LINGO1: variants seen among roughly 807,000 people sequenced by gnomAD.
LINGO1 encodes the protein leucine rich repeat and Ig domain containing 1.
A neutral mutation model predicts 37.3 loss-of-function variants in LINGO1; 11 were observed. That is an observed-to-expected ratio of 0.29 (90% CI 0.19 to 0.49). The LOEUF is 0.49. Ranked by LOEUF, LINGO1 falls within the 20% of genes least tolerant of loss-of-function variation. LINGO1 has a pLI of 0.99. For synonymous variants in LINGO1, 387 were observed against 403.0 expected, an observed-to-expected ratio of 0.96 and a Z score of 0.48; for missense variants, 585 against 878.2, an observed-to-expected ratio of 0.67 and a Z score of 4.22.
intron 1 of LINGO1, among the ~76,000 whole-genome samples, chr15:77,762,385 G>A (rs760526000): frequency 6.6e-6 from 1 of 152,180 alleles, no homozygotes; most frequent in Non-Finnish European, 1.5e-5. Flanking sequence ...CCGTGGAGAG[G>A]CCTCCTCCAG....
At chr15:77,790,915 G>A (rs772395963), upstream of LINGO1, among the ~76,000 whole-genome samples, 5 of 152,198 alleles carry the variant, frequency 3.3e-5, no homozygotes, top group Admixed American at 1.3e-4. Context: ...AGAGGACCAC[G>A]ATCTCAGGGA....
chr15:77,749,822 A>G (rs1040960027), intron 1 of LINGO1, among the ~76,000 whole-genome samples: 1 of 152,130 alleles, frequency 6.6e-6, no homozygotes, highest in Non-Finnish European at 1.5e-5. Context: ...CTGGCTGGGC[A>G]TGTCTGGAGC....
intron 1 of LINGO1, among the ~76,000 whole-genome samples, chr15:77,693,745 G>A (rs1203065555): frequency 3.3e-5 from 5 of 152,130 alleles, no homozygotes; most frequent in Non-Finnish European, 7.4e-5. Flanking sequence ...AAACAGATTC[G>A]GGCAGTGTGT....
intron 2 of LINGO1, among the ~76,000 whole-genome samples, chr15:77,713,620 TACAC>T (rs1209453259): frequency 2.0e-5 from 3 of 151,812 alleles, no homozygotes; most frequent in Admixed American, 1.3e-4. Context: ...AACACTTACA[TACAC>T]ACACGCGCAC....
intron 1 of LINGO1, among the ~76,000 whole-genome samples, chr15:77,772,830 A>C (rs1444564595): frequency 6.6e-6 from 1 of 152,086 alleles, no homozygotes; most frequent in East Asian, 1.9e-4. Context: ...CATCATAATT[A>C]TCTGTCTGGG....
Position 77,766,509 on chromosome 15 carries a change from G to T in LINGO1, c.-257+20360C>A, listed in dbSNP as rs28497073. On this transcript the variant is annotated intron_variant, in intron 1 of 3. Coordinates refer to the LINGO1 transcript ENST00000561686. ...TGTGTTCCCACCAAAATCTCACCTC[G>T]AATTGTAATCCCCATAATCCCCACG... Among the ~76,000 whole-genome samples the T allele has an allele frequency of 3.3e-5, 5 of 152,132 alleles. No homozygotes were observed. In the South Asian group the frequency reaches 8.3e-4, roughly 25 times the overall value.
chr15:77,816,402 T>G (rs949445307), intron 1 of LINGO1, among the ~76,000 whole-genome samples: 5 of 152,188 alleles, frequency 3.3e-5, no homozygotes, highest in African/African-American at 1.2e-4. Context: ...CTGGTCAGGG[T>G]AGCCCTCAGC....
At chr15:77,617,486 G>A (rs1177625299) in intron 1 of LINGO1, among the ~76,000 whole-genome samples, 1 of 152,198 alleles carries the variant, frequency 6.6e-6, no homozygotes, top group East Asian at 1.9e-4. Context: ...CTTTGCTGCT[G>A]TGTCCACACC....
At chr15:77,733,078 T>G (rs4076998) in intron 2 of LINGO1, among the ~76,000 whole-genome samples, 77,094 of 151,904 alleles carry the variant, frequency 0.51, 19,690 homozygotes, top group Admixed American at 0.6. Flanking sequence ...CTGTTTCCAG[T>G]CCCTCTCAGC....
At chr15:77,804,729 C>T (rs866938291) in intron 1 of LINGO1, among the ~76,000 whole-genome samples, 1 of 152,212 alleles carries the variant, frequency 6.6e-6, no homozygotes, top group Non-Finnish European at 1.5e-5. Flanking sequence ...AGGCCCACTT[C>T]TCTCGTCCTC....
chr15:77,769,371 T>C (rs955249344), intron 1 of LINGO1, among the ~76,000 whole-genome samples: 22 of 152,094 alleles, frequency 1.4e-4, no homozygotes, highest in Non-Finnish European at 2.8e-4. Context: ...TAGCTTCAAG[T>C]CCTGCCAAGG....
At chr15:77,794,064 C>T (rs556001179) in intron 2 of LINGO1, among the ~76,000 whole-genome samples, 2 of 152,218 alleles carry the variant, frequency 1.3e-5, no homozygotes, top group East Asian at 1.9e-4. Flanking sequence ...CTCCCAATGC[C>T]CCCGGGCTGT....
intron 2 of LINGO1, among the ~76,000 whole-genome samples, chr15:77,727,595 G>C (rs1217297498): frequency 6.6e-6 from 1 of 152,204 alleles, no homozygotes; most frequent in Non-Finnish European, 1.5e-5. Context: ...AGCCAAAGGA[G>C]CGGTTGTTGT....
intron 3 of LINGO1, among the ~76,000 whole-genome samples, chr15:77,659,520 G>T (rs1308482778): frequency 6.6e-6 from 1 of 152,266 alleles, no homozygotes; most frequent in South Asian, 2.1e-4. Context: ...TTCCAGTTGT[G>T]GACATGGAGG....
chr15:77,729,544 G>A (rs1423514199), intron 2 of LINGO1, among the ~76,000 whole-genome samples: 1 of 152,180 alleles, frequency 6.6e-6, no homozygotes, highest in Non-Finnish European at 1.5e-5. Context: ...TCCTTGTCCT[G>A]GGCCCCAGAT....
chr15:77,744,308 C>T (rs1285838329), intron 1 of LINGO1, among the ~76,000 whole-genome samples: 1 of 152,020 alleles, frequency 6.6e-6, no homozygotes, highest in South Asian at 2.1e-4. Context: ...CCAAGGTGGG[C>T]AGACTGCTTG....
chr15:77,663,179 G>C (rs1000930121), intron 3 of LINGO1, among the ~76,000 whole-genome samples: 1 of 152,186 alleles, frequency 6.6e-6, no homozygotes, highest in African/African-American at 2.4e-5. Flanking sequence ...CATTCCCCAC[G>C]CATGGCCATG....
chr15:77,769,000 C>T (rs2076557514), intron 1 of LINGO1, among the ~76,000 whole-genome samples: 1 of 152,220 alleles, frequency 6.6e-6, no homozygotes, highest in South Asian at 2.1e-4. Context: ...TCATCCCAGC[C>T]TCCACTGCCC....
At chr15:77,748,909 C>CTTTT (rs67399483) in intron 1 of LINGO1, among the ~76,000 whole-genome samples, 1 of 87,766 alleles carries the variant, frequency 1.1e-5, no homozygotes, top group East Asian at 4.2e-4. Context: ...CCTTCCTTCT[C>CTTTT]TTTTTTTTTT....
Sources: gnomAD v4.1 joint callset for allele counts (sites outside exome capture counted in the v4.1 genomes callset) on GRCh38, gnomAD v4.1.1 for gene constraint, MANE v1.5 for transcripts, NCBI Gene and HGNC (gene_info 2026-07-23, HGNC 2026-07-21) for gene names.